IKBKB: variants seen among roughly 807,000 people sequenced by gnomAD.
The protein encoded by IKBKB is inhibitor of nuclear factor kappa B kinase subunit beta, also known as inhibitor of nuclear factor kappa-B kinase subunit beta.
Under a neutral mutation model 113.6 loss-of-function variants are expected in IKBKB, and 42 were observed. That is an observed-to-expected ratio of 0.37 (90% CI 0.29 to 0.48). The LOEUF is 0.48. Ranked by LOEUF, IKBKB falls within the 20% of genes least tolerant of loss-of-function variation. The pLI, the probability that IKBKB is intolerant of heterozygous loss-of-function variation, is 0.99. For synonymous variants in IKBKB, 296 were observed against 361.3 expected (o/e 0.82, Z 2.05); for missense variants, 673 against 939.7 (o/e 0.72, Z 3.71).
chr8:42,302,765 C>CAA (rs57730472), intron 5 of IKBKB, among the ~76,000 whole-genome samples: 1 of 136,404 alleles, frequency 7.3e-6, no homozygotes, highest in Non-Finnish European at 1.6e-5. Context: ...TTCCAAAATC[C>CAA]AAAAAAAAAA....
chr8:42,287,812 A>G (rs191341944), intron 2 of IKBKB, among the ~76,000 whole-genome samples: 32 of 152,298 alleles, frequency 2.1e-4, no homozygotes, highest in Non-Finnish European at 4.1e-4. Flanking sequence ...ATATTATGCC[A>G]TATTATGCTT....
intron 8 of IKBKB, among the ~76,000 whole-genome samples, chr8:42,313,258 C>G (rs1818063481): frequency 6.6e-6 from 1 of 152,070 alleles, no homozygotes; most frequent in Non-Finnish European, 1.5e-5. Flanking sequence ...TCAGACTAGC[C>G]TAGGCAACAT....
chr8:42,309,671 C>T (rs1349736779), intron 8 of IKBKB: 3 of 174,952 alleles, frequency 1.7e-5, no homozygotes, highest in African/African-American at 7.2e-5. Flanking sequence ...ATTGCTTAAA[C>T]CCAGGAGGCA....
At chr8:42,278,120 T>A (rs1185075218) in intron 2 of IKBKB, among the ~76,000 whole-genome samples, 1 of 152,090 alleles carries the variant, frequency 6.6e-6, no homozygotes, top group Non-Finnish European at 1.5e-5. Context: ...AAGTGACACT[T>A]GAACTGAGGC....
intron 9 of IKBKB, among the ~76,000 whole-genome samples, chr8:42,315,916 GC>G (rs1396575738): frequency 3.1e-4 from 47 of 152,176 alleles, no homozygotes; most frequent in African/African-American, 1.1e-3. Context: ...ACCTGCTTTG[GC>G]CTCCCCAAAG....
At chr8:42,320,357 G>A (rs1388990147) in intron 15 of IKBKB, 4 of 188,096 alleles carry the variant, frequency 2.1e-5, no homozygotes, top group East Asian at 1.7e-4. Context: ...CTCCCTGCCC[G>A]GGTAGCATCA....
intron 19 of IKBKB, among the ~76,000 whole-genome samples, chr8:42,324,059 G>T (rs1163275038): frequency 6.6e-6 from 1 of 152,152 alleles, no homozygotes; most frequent in East Asian, 1.9e-4. Context: ...TTGTCTTAGA[G>T]GAGAGGGAGC....
chr8:42,330,004 A>G lies in IKBKB; in HGVS notation c.2205+790A>G, dbSNP rs148197679. 1,254 of 985,436 alleles carry G rather than the reference A, an allele frequency of 1.3e-3. 10 individuals carry two copies. In the South Asian group the frequency reaches 0.019, roughly 15 times the overall value. The allele number at this position is 985,436 out of a possible 1,614,324, so 61.0% of individuals were successfully genotyped here. A position where few individuals can be genotyped will look rare whatever the true frequency, so the allele number is the denominator to read the frequency against. ...TCCTCCTCCAGTCTGTGGACATTCTATATCTCTTGCTGCTCTCCTCCTCCT... is the reference window on the plus strand; with the variant it reads ...TCCTCCTCCAGTCTGTGGACATTCTGTATCTCTTGCTGCTCTCCTCCTCCT... On this transcript the variant is annotated intron_variant, in intron 21 of 21. Coordinates refer to ENST00000520810, the MANE Select transcript of IKBKB (RefSeq NM_001556.3).
rs1563336804 is a variant in IKBKB, at chr8:42,306,449, GC to G, written c.567+19del. ...CAGTACCTGGTAAGAAGTGGGCCTT[GC>G]CTGTTTGCCTGTCAGCTCCTCCCTG... On this transcript the variant is annotated intron_variant, in intron 7 of 21. Coordinates refer to ENST00000520810, the MANE Select transcript of IKBKB (RefSeq NM_001556.3). 8 of 1,529,216 alleles carry G rather than the reference GC, an allele frequency of 5.2e-6. No homozygotes were observed. In the Middle Eastern group the frequency reaches 6.8e-4, roughly 131 times the overall value. 94.7% of individuals were successfully genotyped at this position (1,529,216 alleles called of 1,614,324 possible). A position where few individuals can be genotyped will look rare whatever the true frequency, so the allele number is the denominator to read the frequency against.
chr8:42,318,673 C>T lies in IKBKB; in HGVS notation c.1362C>T (p.Ala454=), dbSNP rs781153471. The T allele has an allele frequency of 6.2e-7, 1 of 1,602,458 alleles. No individual in the cohort carries two copies. The highest frequency in any genetic ancestry group is 1.1e-5 in the South Asian group (1 of 90,084). ...CNRLQQGQRA[A]MMNLLRNNSC... is the part of the protein sequence containing the mutation. ...GGCTGCAGCAGGGACAGCGAGCCGC[C>T]ATGTAGCGTGCCAGGCTTTTTTTTT... is the stretch of plus-strand genomic sequence containing the variant. The change falls in exon 13 of 22, where the codon GCC becomes GCT. Residue 454 remains alanine (A), a splice_region_variant and synonymous_variant. Transcript: ENST00000520810.
At chr8:42,313,505 A>G (rs1818115376) in intron 8 of IKBKB, among the ~76,000 whole-genome samples, 1 of 152,234 alleles carries the variant, frequency 6.6e-6, no homozygotes, top group African/African-American at 2.4e-5. Context: ...TGGGAAATGT[A>G]TAAGTTCATT....
chr8:42,329,322 T>C (rs770800047), intron 21 of IKBKB, 108 bp downstream of exon 21: 2 of 1,393,156 alleles, frequency 1.4e-6, no homozygotes. Context: ...TCAGTGTTTG[T>C]TTGTTTGCTT....
At chr8:42,293,200 G>A (rs544563577) in intron 4 of IKBKB, among the ~76,000 whole-genome samples, 20 of 152,308 alleles carry the variant, frequency 1.3e-4, no homozygotes, top group Non-Finnish European at 1.5e-5. Flanking sequence ...ACTCACCTCA[G>A]AGGCCCCTTG....
chr8:42,311,625 T>G (rs1426664490), intron 8 of IKBKB, among the ~76,000 whole-genome samples: 1 of 151,696 alleles, frequency 6.6e-6, no homozygotes, highest in African/African-American at 2.4e-5. Flanking sequence ...TTGAAATCAA[T>G]TCCAGAAAAG....
chr8:42,321,028 A>C (rs1220974199), intron 16 of IKBKB, 184 bp downstream of exon 16: 1 of 489,328 alleles, frequency 2.0e-6, no homozygotes, highest in Non-Finnish European at 3.6e-6. Context: ...CAGTGACAAG[A>C]AAAACAGTCT....
rs774255182 is a variant in IKBKB, at chr8:42,329,222, C to T, written c.2205+8C>T. 2 of 1,558,586 alleles carry T rather than the reference C, an allele frequency of 1.3e-6. No individual in the cohort carries two copies. Among genetic ancestry groups the T allele is most frequent in the East Asian group, 4.8e-5 (2 of 41,426 alleles). ...CAAGACCAGAGTTTCACGGTAACAG[C>T]TTGTGTGAGACTCCTGCGATTCCAT... On this transcript the variant is annotated splice_region_variant and intron_variant, in intron 21 of 21. Coordinates refer to ENST00000520810, the MANE Select transcript of IKBKB (RefSeq NM_001556.3).
intron 6 of IKBKB, 45 bp downstream of exon 6, chr8:42,305,320 G>T (rs201300369): frequency 2.3e-5 from 28 of 1,236,534 alleles, no homozygotes; most frequent in Non-Finnish European, 3.0e-5. Flanking sequence ...TGGGCGTGCC[G>T]GGAAGTGGCC....
intron 5 of IKBKB, among the ~76,000 whole-genome samples, chr8:42,301,118 A>G (rs1320611945): frequency 6.6e-6 from 1 of 152,178 alleles, no homozygotes; most frequent in Non-Finnish European, 1.5e-5. Context: ...CGGCCTCCGA[A>G]AGTGCTGGGA....
rs537680682 is a variant in IKBKB at position 42,297,152 on chromosome 8, C to T, written c.388+3640C>T. On this transcript the variant is annotated intron_variant, in intron 5 of 21. Coordinates refer to ENST00000520810, the MANE Select transcript of IKBKB (RefSeq NM_001556.3). The stretch of plus-strand genomic sequence containing the variant: ...CCACCTTTTGGGTGCAGTGCAGCCC[C>T]GGTTTTGTTTTTGAGGCTGCTGATG... 2.0e-4 allele frequency among the ~76,000 whole-genome samples: 30 copies of T among 152,268 alleles called. No homozygotes were observed. The East Asian group carries it at 2.9e-3, about 15-fold the overall frequency.
Sources: allele counts gnomAD v4.1 joint callset (sites outside exome capture counted in the v4.1 genomes callset), GRCh38; gene constraint gnomAD v4.1.1; transcripts MANE v1.5; gene names NCBI Gene and HGNC (gene_info 2026-07-23, HGNC 2026-07-21).